PARK7: variants seen among roughly 807,000 people sequenced by gnomAD.
PARK7 encodes the protein Parkinson disease protein 7.
Under a neutral mutation model 20.5 loss-of-function variants are expected in PARK7, and 14 were observed. That is an observed-to-expected ratio of 0.68 (90% confidence interval 0.45 to 1.07). The LOEUF (loss-of-function observed/expected upper bound fraction) is 1.07. Ranked by LOEUF, PARK7 falls within the 50% of genes least tolerant of loss-of-function variation. The pLI, the probability that PARK7 is intolerant of heterozygous loss-of-function variation, is 0.00. For missense variants in PARK7, 234 were observed against 238.1 expected (o/e 0.98, Z 0.11); for synonymous variants, 98 against 84.3 (o/e 1.16, Z -0.89).
At chr1:7,975,747 G>A (rs545240015) in intron 5 of PARK7, among the ~76,000 whole-genome samples, 2 of 152,134 alleles carry the variant, frequency 1.3e-5, no homozygotes, top group Admixed American at 6.6e-5. Context: ...CTCGTTCACC[G>A]ATCACTTTCC....
chr1:7,977,744 T>G lies in PARK7; in HGVS notation c.409+6T>G, dbSNP rs1330034429. On this transcript the variant is annotated splice_donor_region_variant and intron_variant, in intron 6 of 6. Transcript: ENST00000338639. ...AGACAAAATGATGAATGGAGGTAAG[T>G]ATATGCTTGTTTTTGTTTGTTTGTT... 1.9e-6 allele frequency: 3 copies of G among 1,612,192 alleles called. No individual in the cohort carries two copies. The highest frequency in any genetic ancestry group is 2.5e-6 in the Non-Finnish European group (3 of 1,178,316).
rs959843622 is a variant in PARK7, at chr1:7,971,140, C to A, written c.322+177C>A. On this transcript the variant is annotated intron_variant, in intron 5 of 6. Transcript: ENST00000338639. The stretch of plus-strand genomic sequence containing the variant: ...CATTTCAGAGATGAGGACAATTGTT[C>A]TGTTTTCTGCCTCTCCATGCCTTTG... The A allele has an allele frequency of 2.7e-5, 19 of 709,888 alleles. No individual in the cohort carries two copies. In the Admixed American group the frequency reaches 3.1e-4, roughly 12 times the overall value. 44.0% of individuals were successfully genotyped at this position (709,888 alleles called of 1,614,324 possible).
At chr1:7,981,965 CTTTTTTTTTTTTTT>C (rs71567337) in intron 6 of PARK7, among the ~76,000 whole-genome samples, 2 of 84,370 alleles carry the variant, frequency 2.4e-5, no homozygotes, top group African/African-American at 5.4e-5. Flanking sequence ...GCCCCCCCGC[CTTTTTTTTTTTTTT>C]TTTTTTTTTT....
At chr1:7,979,158 C>T (rs1024372209) in intron 6 of PARK7, among the ~76,000 whole-genome samples, 22 of 152,130 alleles carry the variant, frequency 1.4e-4, no homozygotes, top group African/African-American at 5.3e-4. Flanking sequence ...AATGATCATC[C>T]TTGAATGCCG....
intron 5 of PARK7, among the ~76,000 whole-genome samples, chr1:7,977,079 C>G (rs1363832494): frequency 6.6e-6 from 1 of 152,086 alleles, no homozygotes; most frequent in African/African-American, 2.4e-5. Flanking sequence ...TCCAGAAGTT[C>G]AGAGAGTACC....
chr1:7,983,292 A>G lies in PARK7; in HGVS notation c.410-1602A>G, dbSNP rs138443993. Reference sequence around the variant, plus strand: ...ACCCGCCTGCCTGCGTGGCCGGTGCATCAGGATAGAGCAGGAGTTCACAGA... The same window carrying G: ...ACCCGCCTGCCTGCGTGGCCGGTGCGTCAGGATAGAGCAGGAGTTCACAGA... On this transcript the variant is annotated intron_variant, in intron 6 of 6. Transcript: ENST00000338639. Among the ~76,000 whole-genome samples the G allele has an allele frequency of 1.1e-4, 16 of 152,358 alleles. No individual in the cohort carries two copies. The East Asian group carries it at 3.1e-3, about 29-fold the overall frequency.
intron 2 of PARK7, 102 bp from the exon 3 acceptor site, chr1:7,965,222 A>T (rs924084722): frequency 9.6e-7 from 1 of 1,044,870 alleles, no homozygotes; most frequent in Non-Finnish European, 1.5e-6. Flanking sequence ...AGCCCAGGTG[A>T]CAGGGTGAGA....
Position 7,985,119 on chromosome 1 carries a change from C to T in PARK7, c.*65C>T. The T allele has an allele frequency of 6.4e-7, 1 of 1,574,108 alleles. No individual in the cohort carries two copies. Among genetic ancestry groups the T allele is most frequent in the Non-Finnish European group, 8.6e-7 (1 of 1,160,336 alleles). On this transcript the variant is annotated 3_prime_UTR_variant, in exon 7 of 7. Transcript: ENST00000338639. ...TAGGAATCCATTCTCACTGTGTTCG[C>T]TCTAAACAAAACAGTGGTAGGTTAA...
At chr1:7,970,111 C>G (rs927670792) in intron 4 of PARK7, among the ~76,000 whole-genome samples, 2 of 152,068 alleles carry the variant, frequency 1.3e-5, no homozygotes, top group Non-Finnish European at 2.9e-5. Flanking sequence ...GGGAGGATGA[C>G]TTGAGGCCAG....
intron 1 of PARK7, 34 bp from the exon 2 acceptor site, chr1:7,962,729 T>C: frequency 6.9e-7 from 1 of 1,456,232 alleles, no homozygotes; most frequent in Non-Finnish European, 9.4e-7. Context: ...GCAATGAAAG[T>C]TTTTTGAAAT....
chr1:7,970,497 G>C (rs986169713), intron 4 of PARK7, among the ~76,000 whole-genome samples: 3 of 152,182 alleles, frequency 2.0e-5, no homozygotes, highest in African/African-American at 4.8e-5. Context: ...GGCAGAGTTG[G>C]GGCTGCCAGA....
intron 1 of PARK7, chr1:7,962,110 G>A (rs1285521330): frequency 6.5e-6 from 1 of 152,706 alleles, no homozygotes; most frequent in Non-Finnish European, 1.5e-5. Flanking sequence ...CTGTAAATAG[G>A]CTAAAAAAAA....
At chr1:7,978,448 AG>A (rs1640634316) in intron 6 of PARK7, among the ~76,000 whole-genome samples, 1 of 141,160 alleles carries the variant, frequency 7.1e-6, no homozygotes, top group Non-Finnish European at 1.5e-5. Flanking sequence ...GCTGGAATGC[AG>A]TGGTGTGATC....
chr1:7,970,855 A>T, intron 4 of PARK7, 39 bp from the exon 5 acceptor site: 3 of 1,603,732 alleles, frequency 1.9e-6, no homozygotes, highest in Non-Finnish European at 2.6e-6. Context: ...TTAGTGGCTT[A>T]ATGATAACTT....
At position 7,962,816 on chromosome 1, in the gene PARK7, G is replaced by A. The variant is rs1640237489; in HGVS notation, c.31G>A (p.Ala11Thr). 6.2e-7 allele frequency: 1 copy of A among 1,612,506 alleles called. No individual in the cohort carries two copies. ...TTCCAAAAGAGCTCTGGTCATCCTG[G>A]CTAAAGGAGCAGAGGAAATGGAGAC... Reference protein sequence around the residue: MASKRALVILAKGAEEMETVI... With the variant: MASKRALVILTKGAEEMETVI... The change falls in exon 2 of 7, where the codon GCT becomes ACT. Residue 11 changes from alanine to threonine, a missense_variant. Ala to Thr is a moderately conservative substitution (Grantham distance 58, BLOSUM62 0). Transcript: ENST00000338639.
chr1:7,976,308 T>C (rs1640582929), intron 5 of PARK7, among the ~76,000 whole-genome samples: 1 of 152,192 alleles, frequency 6.6e-6, no homozygotes, highest in Non-Finnish European at 1.5e-5. Flanking sequence ...AAAGAATGTT[T>C]ATATGTGTGG....
intron 5 of PARK7, 117 bp downstream of exon 5, chr1:7,971,080 T>G (rs1640456780): frequency 8.8e-7 from 1 of 1,136,624 alleles, no homozygotes; most frequent in African/African-American, 1.5e-5. Context: ...GCATCTGTGT[T>G]GGTGTATTTA....
intron 3 of PARK7, among the ~76,000 whole-genome samples, chr1:7,968,584 C>T (rs1640381838): frequency 6.6e-6 from 1 of 151,982 alleles, no homozygotes; most frequent in South Asian, 2.1e-4. Flanking sequence ...GGTGCAGCCT[C>T]AGCTCACTGC....
At chr1:7,974,432 A>T (rs1343404411) in intron 5 of PARK7, among the ~76,000 whole-genome samples, 1 of 152,036 alleles carries the variant, frequency 6.6e-6, no homozygotes. Context: ...GATCGAGACC[A>T]TCCTGGCTAA....
Sources: gnomAD v4.1 joint callset for allele counts (sites outside exome capture counted in the v4.1 genomes callset) on GRCh38, gnomAD v4.1.1 for gene constraint, MANE v1.5 for transcripts, NCBI Gene and HGNC (gene_info 2026-07-23, HGNC 2026-07-21) for gene names.